SPTBN4: variants seen among roughly 807,000 people sequenced by gnomAD.
SPTBN4 encodes spectrin beta chain, non-erythrocytic 4.
SPTBN4 carries 96 observed loss-of-function variants against 277.8 expected under a neutral mutation model. The ratio of observed to expected loss-of-function variants is 0.35; its 90% CI spans 0.29 to 0.41. SPTBN4 has a LOEUF of 0.41. Among genes scored for constraint, SPTBN4 ranks in the 10% least tolerant of loss-of-function variants. The probability of loss-of-function intolerance (pLI) is 1.00; values close to 1 mark genes in which losing one functional copy is unlikely to be tolerated. For missense variants in SPTBN4, 3,006 were observed against 3,595.7 expected, an observed-to-expected ratio of 0.84 and a Z score of 4.19; for synonymous variants, 1,481 against 1,580.3, an observed-to-expected ratio of 0.94 and a Z score of 1.49.
In SPTBN4 at chr19:40,573,915, C is replaced by A. The variant is rs185731934; in HGVS notation, c.7537-1496C>A. Among the ~76,000 whole-genome samples the A allele has an allele frequency of 1.7e-3, 254 of 152,104 alleles. 4 individuals are homozygous for A. Among genetic ancestry groups the A allele is most frequent in the African/African-American group, 5.8e-3 (239 of 41,478 alleles). ...AGGAGATCGAGACCATCCTGGCTGA[C>A]ACGGTGAAACCCCGTCTCTACTAAA... is the stretch of plus-strand genomic sequence containing the variant. On this transcript the variant is annotated intron_variant, in intron 35 of 35. Coordinates refer to ENST00000598249, the MANE Select transcript of SPTBN4 (RefSeq NM_020971.3).
At chr19:40,555,821 A>G (rs1599803553) in intron 24 of SPTBN4, among the ~76,000 whole-genome samples, 1 of 151,758 alleles carries the variant, frequency 6.6e-6, no homozygotes, top group Non-Finnish European at 1.5e-5. Context: ...GGAGGCTGCA[A>G]TGGGAGGATT....
Position 40,504,151 on chromosome 19 carries a change from GGATGCGGGT to G in SPTBN4, c.1665+21_1665+29del. ...GATGCAGGTGCCGGCGGGGGGGCGG[GGATGCGGGT>G]GGAGTGCCAGGAGGGAGGGGAGGAT... On this transcript the variant is annotated intron_variant, in intron 12 of 35. Coordinates refer to ENST00000598249, the MANE Select transcript of SPTBN4 (RefSeq NM_020971.3). 1.0e-6 allele frequency: 1 copy of G among 969,678 alleles called. No individual in the cohort carries two copies. The highest frequency in any genetic ancestry group is 1.6e-6 in the Non-Finnish European group (1 of 639,104). 60.1% of individuals were successfully genotyped at this position (969,678 alleles called of 1,614,324 possible). A position where few individuals can be genotyped will look rare whatever the true frequency, so the allele number is the denominator to read the frequency against.
Position 40,566,257 on chromosome 19 carries a change from C to T in SPTBN4, c.6234C>T (p.Ser2078=). The change falls in exon 30 of 36, where the codon AGC becomes AGT. Residue 2078 remains serine, a synonymous_variant. Transcript: ENST00000598249. The part of the protein sequence containing the change: ...EPLLQSRELG[S]SVDEVEQLIR... ...TCCTGCAGAGCCGGGAGCTGGGCAG[C>T]AGCGTGGATGAGGTGGAGCAGCTTA... The T allele has an allele frequency of 1.9e-6, 3 of 1,573,564 alleles. No individual in the cohort carries two copies. Among genetic ancestry groups the T allele is most frequent in the Non-Finnish European group, 1.7e-6 (2 of 1,159,390 alleles).
intron 2 of SPTBN4, among the ~76,000 whole-genome samples, chr19:40,476,064 G>C (rs1190633379): frequency 6.6e-6 from 1 of 151,610 alleles, no homozygotes. Context: ...AAGAAACCTG[G>C]TTAGGCGCGG....
chr19:40,479,887 A>C (rs530735237), intron 2 of SPTBN4, among the ~76,000 whole-genome samples: 3 of 151,194 alleles, frequency 2.0e-5, no homozygotes, highest in African/African-American at 7.3e-5. Flanking sequence ...TGATCACTTG[A>C]GGCCAGGAGT....
chr19:40,570,017 G>A (rs1045160560), intron 32 of SPTBN4, among the ~76,000 whole-genome samples: 1 of 129,606 alleles, frequency 7.7e-6, no homozygotes, highest in Non-Finnish European at 1.7e-5. Flanking sequence ...CACAGACACA[G>A]ATACACACAC....
intron 27 of SPTBN4, among the ~76,000 whole-genome samples, chr19:40,562,498 C>A (rs946372841): frequency 7.1e-6 from 1 of 140,632 alleles, no homozygotes; most frequent in African/African-American, 2.7e-5. Flanking sequence ...CCACTGCACT[C>A]CAGCCTGGGC....
intron 2 of SPTBN4, among the ~76,000 whole-genome samples, chr19:40,473,361 T>TTTG (rs1184793526): frequency 6.9e-6 from 1 of 144,058 alleles, no homozygotes; most frequent in Non-Finnish European, 1.5e-5. Flanking sequence ...GGTGTTTTTT[T>TTTG]TTTTTTTTTT....
chr19:40,511,132 G>A (rs1347598729), intron 13 of SPTBN4, among the ~76,000 whole-genome samples: 1 of 152,130 alleles, frequency 6.6e-6, no homozygotes, highest in African/African-American at 2.4e-5. Flanking sequence ...CAGGCTGGGC[G>A]CGGTGGCTCA....
At chr19:40,557,512 G>A in intron 26 of SPTBN4, 109 bp downstream of exon 26, 1 of 1,341,862 alleles carries the variant, frequency 7.5e-7, no homozygotes, top group Non-Finnish European at 1.0e-6. Context: ...CAGTGGCACA[G>A]ACAGAAAGCG....
chr19:40,544,881 C>T (rs2080842485), intron 20 of SPTBN4, among the ~76,000 whole-genome samples: 1 of 151,368 alleles, frequency 6.6e-6, no homozygotes. Flanking sequence ...AGGCTGGTCT[C>T]AAACTCCTGG....
chr19:40,562,529 C>CAAAAA (rs35366889), intron 27 of SPTBN4, among the ~76,000 whole-genome samples: 1 of 55,702 alleles, frequency 1.8e-5, no homozygotes, highest in African/African-American at 7.7e-5. Flanking sequence ...GACTCTGTGT[C>CAAAAA]AAAAAAAAAA....
chr19:40,556,219 G>A lies in SPTBN4; in HGVS notation c.5220G>A (p.Glu1740=), dbSNP rs758938225. The A allele has an allele frequency of 1.2e-6, 2 of 1,613,816 alleles. No homozygotes were observed. The highest frequency in any genetic ancestry group is 3.3e-5 in the Admixed American group (2 of 60,010). The change falls in exon 25 of 36, where the codon GAG becomes GAA. Residue 1740 remains glutamate, a synonymous_variant. Coordinates refer to ENST00000598249, the MANE Select transcript of SPTBN4 (RefSeq NM_020971.3). ...YQLSRQVSEL[E]HWIAEKEVVA... ...TCAGCCGCCAGGTGAGCGAGCTTGAGCACTGGATTGCCGAGAAGGAGGTGG... is the reference window on the plus strand; with the variant it reads ...TCAGCCGCCAGGTGAGCGAGCTTGAACACTGGATTGCCGAGAAGGAGGTGG...
intron 20 of SPTBN4, 103 bp from the exon 21 acceptor site, chr19:40,549,085 TG>T: frequency 1.1e-6 from 1 of 922,162 alleles, no homozygotes; most frequent in Non-Finnish European, 1.6e-6. Flanking sequence ...GGTGGAAGGG[TG>T]GGCCGCGGTG....
chr19:40,546,238 AAAAG>A (rs1275625822), intron 20 of SPTBN4, among the ~76,000 whole-genome samples: 177 of 151,394 alleles, frequency 1.2e-3, no homozygotes, highest in South Asian at 0.011. Flanking sequence ...AAAAAAAAAA[AAAAG>A]AAAGAAAGAA....
chr19:40,570,289 GC>G, intron 32 of SPTBN4, 146 bp from the exon 33 acceptor site: 1 of 458,624 alleles, frequency 2.2e-6, no homozygotes, highest in Non-Finnish European at 3.8e-6. Flanking sequence ...TAAGAATTGG[GC>G]CTCCAACCCT....
At chr19:40,484,923 C>A (rs2080053350) in intron 2 of SPTBN4, among the ~76,000 whole-genome samples, 2 of 149,710 alleles carry the variant, frequency 1.3e-5, no homozygotes, top group Non-Finnish European at 3.0e-5. Flanking sequence ...TAGAGTGAGA[C>A]TCCGTCTCAA....
At chr19:40,543,787 G>T (rs1209983910) in intron 20 of SPTBN4, among the ~76,000 whole-genome samples, 1 of 152,126 alleles carries the variant, frequency 6.6e-6, no homozygotes, top group Non-Finnish European at 1.5e-5. Flanking sequence ...CCCAAAGAGA[G>T]CCTCAGTTAT....
intron 16 of SPTBN4, 80 bp downstream of exon 16, chr19:40,520,231 TGGGGA>T: frequency 2.9e-6 from 1 of 350,218 alleles, no homozygotes; most frequent in Non-Finnish European, 3.9e-6. Context: ...CATGCGGGGG[TGGGGA>T]GGAGGGTGTT....
Sources: gnomAD v4.1 joint callset for allele counts (sites outside exome capture counted in the v4.1 genomes callset) on GRCh38, gnomAD v4.1.1 for gene constraint, MANE v1.5 for transcripts, NCBI Gene and HGNC (gene_info 2026-07-23, HGNC 2026-07-21) for gene names.